REC114: variants seen among roughly 807,000 people sequenced by gnomAD.
REC114 encodes meiotic recombination protein REC114.
A neutral mutation model predicts 31.3 loss-of-function variants in REC114; 27 were observed. The observed-to-expected ratio is 0.86, with a 90% CI of 0.64 to 1.19. REC114 has a LOEUF of 1.19. REC114 is among the 50% of genes most tolerant of loss of function. The probability of loss-of-function intolerance (pLI) is 0.00; values close to 1 mark genes in which losing one functional copy is unlikely to be tolerated. For synonymous variants in REC114, 134 were observed against 127.7 expected (o/e 1.05, Z -0.33); for missense variants, 344 against 326.9 (o/e 1.05, Z -0.40).
chr15:73,540,138 T>C (rs1379188024), intron 2 of REC114, among the ~76,000 whole-genome samples: 1 of 152,186 alleles, frequency 6.6e-6, no homozygotes, highest in Non-Finnish European at 1.5e-5. Context: ...ATGGAACCCT[T>C]GATTTGGGGG....
chr15:73,466,315 G>A (rs185093027), intron 1 of REC114, among the ~76,000 whole-genome samples: 2 of 152,084 alleles, frequency 1.3e-5, no homozygotes, highest in Admixed American at 6.5e-5. Context: ...AACACTTTGG[G>A]AGTCTGAGGC....
intron 2 of REC114, among the ~76,000 whole-genome samples, chr15:73,520,149 C>T (rs538407594): frequency 6.6e-6 from 1 of 152,020 alleles, no homozygotes; most frequent in Non-Finnish European, 1.5e-5. Flanking sequence ...TAAAAAAATT[C>T]ATGACACATT....
rs34985483 is a variant in REC114, at chr15:73,514,929, A to AT, written c.250-25536dup. ...GGGCACTACTGCCTTTAACACTCTG[A>AT]TTTTTTTTTTTTTTTTTTTTGAGAC... On this transcript the variant is annotated intron_variant, in intron 2 of 5. Coordinates refer to ENST00000331090, the MANE Select transcript of REC114 (RefSeq NM_001042367.2). Among the ~76,000 whole-genome samples, 623 of 132,664 alleles carry AT rather than the reference A, an allele frequency of 4.7e-3. 2 individuals are homozygous for AT. The highest frequency in any genetic ancestry group is 0.015 in the South Asian group (59 of 4,068). 87.0% of individuals were successfully genotyped at this position (132,664 alleles called of 152,430 possible). A position where few individuals can be genotyped will look rare whatever the true frequency, so the allele number is the denominator to read the frequency against.
At chr15:73,523,589 G>A (rs1270287731) in intron 2 of REC114, among the ~76,000 whole-genome samples, 1 of 152,140 alleles carries the variant, frequency 6.6e-6, no homozygotes, top group South Asian at 2.1e-4. Flanking sequence ...TCCTTCTCAG[G>A]CCATATTTAG....
Position 73,551,127 on chromosome 15 carries a change from AAG to A in REC114, c.526_527del (p.Ser176CysfsTer49), listed in dbSNP as rs1491514491. 1.9e-5 allele frequency: 31 copies of A among 1,610,350 alleles called. No homozygotes were observed. Among genetic ancestry groups the A allele is most frequent in the African/African-American group, 1.3e-5 (1 of 74,874 alleles). ...TGAAAGTCAAGGGAAGGATTCTGCA[AAG>A]AGTGTCCCACGGCAGCCTGGAGTAA... The part of the protein sequence containing the change: ...ATESQGKDSA[K>X]SVPRQPGSHQ... On this transcript the variant is annotated frameshift_variant, in exon 4 of 6. Transcript: ENST00000331090. LOFTEE classifies it high-confidence loss of function.
At chr15:73,522,968 AT>A (rs1893956420) in intron 2 of REC114, among the ~76,000 whole-genome samples, 1 of 152,084 alleles carries the variant, frequency 6.6e-6, no homozygotes, top group East Asian at 1.9e-4. Flanking sequence ...AATTTTAGCC[AT>A]TCTGCTGGGT....
chr15:73,489,477 A>G (rs923056483), intron 2 of REC114, among the ~76,000 whole-genome samples: 2 of 151,850 alleles, frequency 1.3e-5, no homozygotes, highest in Non-Finnish European at 2.9e-5. Flanking sequence ...AACTGTTGGG[A>G]TTACAGGCGT....
Position 73,516,486 on chromosome 15 carries a change from C to G in REC114, c.250-23999C>G, listed in dbSNP as rs575988160. Among the ~76,000 whole-genome samples, 3 of 152,038 alleles carry G rather than the reference C, an allele frequency of 2.0e-5. No individual in the cohort carries two copies. The East Asian group carries it at 5.8e-4, about 29-fold the overall frequency. Reference sequence around the variant, plus strand: ...AAAGCCAAGGTATGGAAAGATCTCCCAAGGAGATAAGATTGCTCCCAGGCT... The same window carrying G: ...AAAGCCAAGGTATGGAAAGATCTCCGAAGGAGATAAGATTGCTCCCAGGCT... On this transcript the variant is annotated intron_variant, in intron 2 of 5. Transcript: ENST00000331090.
intron 2 of REC114, among the ~76,000 whole-genome samples, chr15:73,484,732 A>AT (rs1893343559): frequency 6.6e-6 from 1 of 152,204 alleles, no homozygotes; most frequent in South Asian, 2.1e-4. Flanking sequence ...TTGGTCCAGC[A>AT]TGAGTGTCTT....
intron 3 of REC114, among the ~76,000 whole-genome samples, chr15:73,540,954 C>T (rs1046336077): frequency 6.6e-6 from 1 of 152,118 alleles, no homozygotes; most frequent in Admixed American, 6.5e-5. Context: ...TAAAAAATTT[C>T]CCTTTTACTT....
intron 5 of REC114, among the ~76,000 whole-genome samples, chr15:73,558,070 G>A (rs1269385761): frequency 1.3e-5 from 2 of 152,122 alleles, no homozygotes; most frequent in African/African-American, 4.8e-5. Context: ...TGCACATGGT[G>A]GCTCACACCT....
chr15:73,550,692 G>A (rs868570853), intron 3 of REC114, among the ~76,000 whole-genome samples: 1 of 152,126 alleles, frequency 6.6e-6, no homozygotes, highest in Non-Finnish European at 1.5e-5. Context: ...TTTATGATAT[G>A]AGCTTTTCCA....
At chr15:73,479,944 A>G (rs544958486) in intron 2 of REC114, among the ~76,000 whole-genome samples, 3 of 152,326 alleles carry the variant, frequency 2.0e-5, no homozygotes, top group African/African-American at 7.2e-5. Context: ...TCCTTTGGGT[A>G]TATACCTGGA....
At chr15:73,515,178 ACCTTG>A (rs1272089513) in intron 2 of REC114, among the ~76,000 whole-genome samples, 128 of 151,958 alleles carry the variant, frequency 8.4e-4, no homozygotes, top group Non-Finnish European at 1.4e-3. Context: ...CAACCCTCCC[ACCTTG>A]GCCTCCCAAA....
At chr15:73,444,327 C>A (rs1471295949) in intron 1 of REC114, among the ~76,000 whole-genome samples, 2 of 152,338 alleles carry the variant, frequency 1.3e-5, no homozygotes, top group South Asian at 4.1e-4. Flanking sequence ...GAACTCCTTT[C>A]AAAATTGGAG....
At chr15:73,552,007 A>G (rs935981219) in intron 4 of REC114, among the ~76,000 whole-genome samples, 1 of 152,242 alleles carries the variant, frequency 6.6e-6, no homozygotes, top group Non-Finnish European at 1.5e-5. Context: ...TTTGAAAGAC[A>G]GTATATTCAG....
At chr15:73,473,476 C>G (rs538353985) in intron 1 of REC114, among the ~76,000 whole-genome samples, 6 of 152,058 alleles carry the variant, frequency 3.9e-5, no homozygotes, top group Non-Finnish European at 8.8e-5. Flanking sequence ...CTGTAAGGTG[C>G]TATCTCCATT....
intron 1 of REC114, among the ~76,000 whole-genome samples, chr15:73,448,950 C>T (rs1399601476): frequency 6.6e-6 from 1 of 152,144 alleles, no homozygotes. Flanking sequence ...ATAGTATCAA[C>T]ATCAACAAAA....
intron 4 of REC114, among the ~76,000 whole-genome samples, chr15:73,554,128 C>T (rs1435365239): frequency 1.3e-5 from 2 of 152,196 alleles, no homozygotes; most frequent in African/African-American, 4.8e-5. Context: ...AGGATCAGAA[C>T]CTCCAGAGCC....
Sources: gnomAD v4.1 joint callset for allele counts (sites outside exome capture counted in the v4.1 genomes callset) on GRCh38, gnomAD v4.1.1 for gene constraint, MANE v1.5 for transcripts, NCBI Gene and HGNC (gene_info 2026-07-23, HGNC 2026-07-21) for gene names.